RAD51B: variants seen among roughly 807,000 people sequenced by gnomAD.
The protein encoded by RAD51B is RAD51 paralog B.
RAD51B carries 38 observed loss-of-function variants against 42.2 expected under a neutral mutation model. The ratio of observed to expected loss-of-function variants is 0.90; its 90% CI spans 0.70 to 1.18. The LOEUF is 1.18. RAD51B is among the 50% of genes most tolerant of loss of function. RAD51B has a pLI of 0.00. For synonymous variants in RAD51B, 154 were observed against 145.2 expected (o/e 1.06, Z -0.43); for missense variants, 373 against 400.7 (o/e 0.93, Z 0.59).
chr14:68,000,863 G>C (rs556550469), intron 7 of RAD51B, among the ~76,000 whole-genome samples: 2 of 152,242 alleles, frequency 1.3e-5, no homozygotes, highest in African/African-American at 4.8e-5. Context: ...TTGGAAGTCT[G>C]TTTCTCTGCC....
At chr14:68,305,306 C>T (rs1032849091) in intron 8 of RAD51B, among the ~76,000 whole-genome samples, 11 of 152,210 alleles carry the variant, frequency 7.2e-5, no homozygotes, top group Admixed American at 7.2e-4. Context: ...GAAATGCTTG[C>T]TGAATTTTCA....
At chr14:67,914,986 A>G (rs1241332341) in intron 7 of RAD51B, among the ~76,000 whole-genome samples, 4 of 152,190 alleles carry the variant, frequency 2.6e-5, no homozygotes, top group Non-Finnish European at 5.9e-5. Flanking sequence ...AGGGTATATC[A>G]AATACTACAT....
chr14:68,619,654 G>A (rs1399309886), intron 10 of RAD51B, among the ~76,000 whole-genome samples: 1 of 152,088 alleles, frequency 6.6e-6, no homozygotes, highest in Non-Finnish European at 1.5e-5. Flanking sequence ...ATGAGCAGGA[G>A]GAGTCAAAGA....
chr14:68,650,684 C>A (rs893428512), intron 10 of RAD51B: 21 of 656,722 alleles, frequency 3.2e-5, no homozygotes, highest in Middle Eastern at 4.9e-4. Flanking sequence ...TCTCAGAGGG[C>A]TGGATGGCCT....
At chr14:68,361,671 C>G (rs80179654) in intron 8 of RAD51B, among the ~76,000 whole-genome samples, 2,386 of 152,028 alleles carry the variant, frequency 0.016, 68 homozygotes, top group African/African-American at 0.054. Context: ...CCCTTGAAGT[C>G]TTTTGTTTGT....
intron 8 of RAD51B, among the ~76,000 whole-genome samples, chr14:68,302,877 C>A (rs1218256052): frequency 2.0e-5 from 3 of 152,182 alleles, no homozygotes; most frequent in Non-Finnish European, 2.9e-5. Context: ...GCCAGGTGTT[C>A]TTGCCCTCAT....
chr14:67,947,789 G>A (rs2045446126), intron 7 of RAD51B, among the ~76,000 whole-genome samples: 1 of 152,092 alleles, frequency 6.6e-6, no homozygotes, highest in Non-Finnish European at 1.5e-5. Flanking sequence ...CTAATGTTTA[G>A]CACTTAAGTT....
chr14:67,828,138 C>T (rs2140284075), intron 3 of RAD51B, among the ~76,000 whole-genome samples: 1 of 152,270 alleles, frequency 6.6e-6, no homozygotes, highest in Non-Finnish European at 1.5e-5. Context: ...AGTCTGCAAC[C>T]TCACCAGCAT....
chr14:68,452,814 T>C (rs570295051), intron 9 of RAD51B, among the ~76,000 whole-genome samples: 1 of 152,332 alleles, frequency 6.6e-6, no homozygotes, highest in East Asian at 1.9e-4. Flanking sequence ...ATTGTGTTCA[T>C]TTTAGAGATG....
intron 7 of RAD51B, among the ~76,000 whole-genome samples, chr14:68,193,871 T>C (rs555909865): frequency 2.0e-5 from 3 of 152,302 alleles, no homozygotes; most frequent in Admixed American, 2.0e-4. Flanking sequence ...TTCTGTAAGA[T>C]GGCATGTTAT....
intron 7 of RAD51B, among the ~76,000 whole-genome samples, chr14:68,232,750 T>A (rs1295302760): frequency 6.6e-6 from 1 of 152,210 alleles, no homozygotes; most frequent in Non-Finnish European, 1.5e-5. Context: ...CCAAATGTTT[T>A]CAACCATGGA....
intron 7 of RAD51B, among the ~76,000 whole-genome samples, chr14:68,140,876 C>G (rs141527168): frequency 6.6e-6 from 1 of 152,302 alleles, no homozygotes; most frequent in African/African-American, 2.4e-5. Flanking sequence ...AGCACTCAAT[C>G]TATAGGTTAT....
intron 8 of RAD51B, among the ~76,000 whole-genome samples, chr14:68,350,650 T>C (rs185466491): frequency 6.6e-6 from 1 of 152,242 alleles, no homozygotes; most frequent in Non-Finnish European, 1.5e-5. Context: ...CAAGTTTTCT[T>C]TAGGCTAGTG....
intron 7 of RAD51B, among the ~76,000 whole-genome samples, chr14:68,038,990 T>A (rs549791486): frequency 3.9e-5 from 6 of 152,306 alleles, no homozygotes; most frequent in Admixed American, 1.3e-4. Flanking sequence ...ATTAACATCA[T>A]GTTGATAGCT....
chr14:67,982,704 A>G (rs2075117590), intron 7 of RAD51B, among the ~76,000 whole-genome samples: 1 of 147,602 alleles, frequency 6.8e-6, no homozygotes, highest in Admixed American at 6.6e-5. Flanking sequence ...CACTTTCTTG[A>G]TAAAGCCCCA....
chr14:67,840,268 C>T (rs1403369159), intron 4 of RAD51B, among the ~76,000 whole-genome samples: 1 of 152,056 alleles, frequency 6.6e-6, no homozygotes, highest in Admixed American at 6.6e-5. Flanking sequence ...TTTTTTTAGC[C>T]TTTTTCCCTG....
intron 7 of RAD51B, among the ~76,000 whole-genome samples, chr14:68,038,023 C>T (rs2076161077): frequency 6.6e-6 from 1 of 152,218 alleles, no homozygotes. Context: ...CACAACTTAA[C>T]TGCTTTTAGC....
At chr14:68,527,401 T>C (rs1415668887) in intron 10 of RAD51B, among the ~76,000 whole-genome samples, 7 of 152,228 alleles carry the variant, frequency 4.6e-5, no homozygotes, top group Non-Finnish European at 8.8e-5. Flanking sequence ...TCCTTCTGTT[T>C]TCTGGGCTGG....
chr14:68,569,336 A>G lies in RAD51B; in HGVS notation c.1037-25149A>G, dbSNP rs578091062. 4.6e-5 allele frequency among the ~76,000 whole-genome samples: 7 copies of G among 152,280 alleles called. No individual in the cohort carries two copies. The South Asian group carries it at 6.2e-4, about 14-fold the overall frequency. On this transcript the variant is annotated intron_variant, in intron 10 of 10. Transcript: ENST00000487270. ...CTCTCTCCCTCTTCTCCCTCTGCTT[A>G]TTGTGCTCAGAAGGGCAACAGGGTC...
Sources: gnomAD v4.1 joint callset for allele counts (sites outside exome capture counted in the v4.1 genomes callset) on GRCh38, gnomAD v4.1.1 for gene constraint, MANE v1.5 for transcripts, NCBI Gene and HGNC (gene_info 2026-07-23, HGNC 2026-07-21) for gene names.